The following MAGI1 variants were observed in gnomAD, a reference collection of about 807,000 sequenced individuals.
MAGI1 encodes the protein membrane-associated guanylate kinase, WW and PDZ domain-containing protein 1.
Under a neutral mutation model 139.9 loss-of-function variants are expected in MAGI1, and 58 were observed. That is an observed-to-expected ratio of 0.41 (90% confidence interval 0.34 to 0.52). MAGI1 has a LOEUF of 0.52. Ranked by LOEUF, MAGI1 falls within the 20% of genes least tolerant of loss-of-function variation. MAGI1 has a pLI of 0.12. For missense variants in MAGI1, 1,874 were observed against 1,901.6 expected, an observed-to-expected ratio of 0.99 and a Z score of 0.27; for synonymous variants, 812 against 737.9, an observed-to-expected ratio of 1.10 and a Z score of -1.63.
intron 2 of MAGI1, among the ~76,000 whole-genome samples, chr3:65,601,896 T>C (rs2082501674): frequency 6.6e-6 from 1 of 152,120 alleles, no homozygotes; most frequent in South Asian, 2.1e-4. Context: ...GAAAAACTTC[T>C]ACAACTAAAC....
intron 1 of MAGI1, among the ~76,000 whole-genome samples, chr3:65,737,663 G>A (rs1020167932): frequency 6.6e-6 from 1 of 152,112 alleles, no homozygotes; most frequent in Non-Finnish European, 1.5e-5. Context: ...AGAAAATAAA[G>A]ATTTTACATG....
intron 1 of MAGI1, among the ~76,000 whole-genome samples, chr3:65,749,187 A>G (rs973767561): frequency 6.6e-6 from 1 of 152,182 alleles, no homozygotes; most frequent in Non-Finnish European, 1.5e-5. Context: ...CAAACCTCAG[A>G]GATCATGATA....
chr3:65,551,766 T>C lies in MAGI1; in HGVS notation c.431-58135A>G, dbSNP rs150417755. ...AAGCAGAAGACTATACAATCCACACTAAGCATCTGAAACAGACCTTCCTTC... is the reference window on the plus strand; with the variant it reads ...AAGCAGAAGACTATACAATCCACACCAAGCATCTGAAACAGACCTTCCTTC... On this transcript the variant is annotated intron_variant, in intron 2 of 22. Coordinates refer to ENST00000402939, the MANE Select transcript of MAGI1 (RefSeq NM_001033057.2). Among the ~76,000 whole-genome samples the C allele has an allele frequency of 2.6e-3, 396 of 152,364 alleles. 1 individual carries two copies. The highest frequency in any genetic ancestry group is 9.1e-3 in the African/African-American group (380 of 41,592).
chr3:65,977,539 C>T (rs1576331725), intron 1 of MAGI1, among the ~76,000 whole-genome samples: 1 of 152,126 alleles, frequency 6.6e-6, no homozygotes, highest in African/African-American at 2.4e-5. Context: ...AGTGAAACCT[C>T]GTCTCTACTA....
At position 65,580,023 on chromosome 3, in the gene MAGI1, T is replaced by A. The variant is rs141298009; in HGVS notation, c.430+41949A>T. 7.3e-4 allele frequency among the ~76,000 whole-genome samples: 111 copies of A among 152,304 alleles called. 2 individuals are homozygous for A. The highest frequency in any genetic ancestry group is 2.5e-3 in the African/African-American group (105 of 41,564). The stretch of plus-strand genomic sequence containing the variant: ...TAGCTCTCTGAGGGCAAAGACTTTT[T>A]CTGCCTCGTTCACTGGTCTATCCCA... On this transcript the variant is annotated intron_variant, in intron 2 of 22. Coordinates refer to ENST00000402939, the MANE Select transcript of MAGI1 (RefSeq NM_001033057.2).
chr3:65,647,945 T>C (rs113071248), intron 1 of MAGI1, among the ~76,000 whole-genome samples: 1 of 152,118 alleles, frequency 6.6e-6, no homozygotes, highest in Non-Finnish European at 1.5e-5. Context: ...GGCCAAAGTG[T>C]TGGCAAAAAA....
At chr3:65,803,756 G>T (rs1277955974) in intron 1 of MAGI1, among the ~76,000 whole-genome samples, 2 of 152,198 alleles carry the variant, frequency 1.3e-5, no homozygotes. Context: ...GTGTCCACGT[G>T]TTCTCATCAT....
intron 22 of MAGI1, chr3:65,359,182 C>A (rs769212504): frequency 3.7e-6 from 6 of 1,610,136 alleles, no homozygotes; most frequent in Admixed American, 1.7e-5. Flanking sequence ...GCACCAAGAA[C>A]AGTCAGAGAG....
chr3:65,677,677 G>T (rs550809675), intron 1 of MAGI1, among the ~76,000 whole-genome samples: 3 of 152,198 alleles, frequency 2.0e-5, no homozygotes, highest in Admixed American at 6.5e-5. Flanking sequence ...TAGTATGGGA[G>T]TTTGGTGGGA....
intron 1 of MAGI1, among the ~76,000 whole-genome samples, chr3:65,980,182 G>A (rs925604945): frequency 1.3e-5 from 2 of 152,188 alleles, no homozygotes; most frequent in Non-Finnish European, 2.9e-5. Flanking sequence ...CCCCTTATTA[G>A]CTGTGTGACA....
intron 2 of MAGI1, among the ~76,000 whole-genome samples, chr3:65,565,870 A>AAG (rs2080598683): frequency 6.6e-6 from 1 of 151,176 alleles, no homozygotes; most frequent in African/African-American, 2.4e-5. Context: ...AAAAAAAAAA[A>AAG]AAAAGAAACA....
intron 1 of MAGI1, among the ~76,000 whole-genome samples, chr3:65,751,343 G>A (rs1048456789): frequency 1.3e-5 from 2 of 152,172 alleles, no homozygotes; most frequent in African/African-American, 2.4e-5. Context: ...AAATGTTCCC[G>A]GCATCACAGC....
intron 5 of MAGI1, among the ~76,000 whole-genome samples, chr3:65,465,064 C>T (rs1182969490): frequency 1.3e-5 from 2 of 149,642 alleles, no homozygotes; most frequent in African/African-American, 4.9e-5. Flanking sequence ...ACCGCTTTGA[C>T]TGAAGTAGAT....
At chr3:65,407,131 C>T (rs947379611) in intron 12 of MAGI1, among the ~76,000 whole-genome samples, 1 of 151,988 alleles carries the variant, frequency 6.6e-6, no homozygotes, top group African/African-American at 2.4e-5. Context: ...ATGGTCGACA[C>T]AGCACTATTT....
intron 14 of MAGI1, among the ~76,000 whole-genome samples, chr3:65,389,438 T>C (rs964202316): frequency 6.6e-6 from 1 of 152,146 alleles, no homozygotes; most frequent in African/African-American, 2.4e-5. Flanking sequence ...AACTCAATCA[T>C]AAATGTGTAC....
intron 2 of MAGI1, among the ~76,000 whole-genome samples, chr3:65,533,702 G>A (rs1164657494): frequency 6.6e-6 from 1 of 151,946 alleles, no homozygotes; most frequent in Non-Finnish European, 1.5e-5. Flanking sequence ...CTTTTAACAA[G>A]ACCAAATATT....
chr3:65,840,719 G>T (rs555287321), intron 1 of MAGI1, among the ~76,000 whole-genome samples: 1 of 152,046 alleles, frequency 6.6e-6, no homozygotes, highest in Non-Finnish European at 1.5e-5. Context: ...ATTCATGAGG[G>T]ATATTGTTCT....
intron 1 of MAGI1, among the ~76,000 whole-genome samples, chr3:65,849,486 TCATCAAATATAC>T (rs1471216068): frequency 7.2e-6 from 1 of 138,626 alleles, no homozygotes; most frequent in African/African-American, 2.8e-5. Context: ...TATATATATA[TCATCAAATATAC>T]ATATATATAT....
At chr3:65,989,517 T>C (rs1399398750) in intron 1 of MAGI1, among the ~76,000 whole-genome samples, 4 of 152,178 alleles carry the variant, frequency 2.6e-5, no homozygotes, top group Non-Finnish European at 5.9e-5. Flanking sequence ...GAATTTGTAA[T>C]ACCAGACATA....
Sources: allele counts gnomAD v4.1 joint callset (sites outside exome capture counted in the v4.1 genomes callset), GRCh38; gene constraint gnomAD v4.1.1; transcripts MANE v1.5; gene names NCBI Gene and HGNC (gene_info 2026-07-23, HGNC 2026-07-21).